The following CSMD1 variants were observed in gnomAD, a reference collection of about 807,000 sequenced individuals.
The protein encoded by CSMD1 is CUB and sushi domain-containing protein 1.
CSMD1 carries 213 observed loss-of-function variants against 417.5 expected under a neutral mutation model. That is an observed-to-expected ratio of 0.51 (90% CI 0.46 to 0.57). CSMD1 has a LOEUF of 0.57. CSMD1 is among the 20% of genes least tolerant of loss of function. CSMD1 has a pLI of 0.00. For missense variants in CSMD1, 6,923 were observed against 4,529.7 expected, an observed-to-expected ratio of 1.53 and a Z score of -15.17; for synonymous variants, 2,862 against 1,736.8, an observed-to-expected ratio of 1.65 and a Z score of -16.11.
chr8:4,185,227 C>G (rs1235373409), intron 3 of CSMD1, among the ~76,000 whole-genome samples: 1 of 151,266 alleles, frequency 6.6e-6, no homozygotes, highest in Non-Finnish European at 1.5e-5. Context: ...TGGGAACCTG[C>G]TTTCTTGCCT....
chr8:4,275,817 C>G (rs1436443574), intron 3 of CSMD1, among the ~76,000 whole-genome samples: 4 of 152,046 alleles, frequency 2.6e-5, no homozygotes, highest in African/African-American at 9.7e-5. Context: ...ATGATCTATA[C>G]TAATGAAAGT....
At chr8:4,334,935 A>G (rs932878615) in intron 3 of CSMD1, among the ~76,000 whole-genome samples, 13 of 152,194 alleles carry the variant, frequency 8.5e-5, no homozygotes, top group African/African-American at 3.1e-4. Flanking sequence ...CAGATGCTGT[A>G]TTTTTGCTAC....
chr8:4,978,327 T>G (rs1038966212), intron 1 of CSMD1, among the ~76,000 whole-genome samples: 1 of 152,124 alleles, frequency 6.6e-6, no homozygotes, highest in African/African-American at 2.4e-5. Context: ...CAGGACACTC[T>G]AATCTTGGAA....
chr8:4,974,627 T>C (rs1049479211), intron 1 of CSMD1, among the ~76,000 whole-genome samples: 3 of 152,158 alleles, frequency 2.0e-5, no homozygotes, highest in African/African-American at 7.2e-5. Context: ...ATTCTGTATA[T>C]AATAGCAGGA....
chr8:4,312,357 A>G lies in CSMD1; in HGVS notation c.415+107596T>C, dbSNP rs74211272. Among the ~76,000 whole-genome samples the G allele has an allele frequency of 8.1e-3, 1,108 of 136,726 alleles. 42 individuals carry two copies. The highest frequency in any genetic ancestry group is 0.011 in the Non-Finnish European group (649 of 60,670). The allele number at this position is 136,726 out of a possible 152,430, so 89.7% of individuals were successfully genotyped here. A position where few individuals can be genotyped will look rare whatever the true frequency, so the allele number is the denominator to read the frequency against. ...AGCAATTTAAACTCCAAAATAAGCT[A>G]ATTACTTTTAATGGAACAAATATAT... On this transcript the variant is annotated intron_variant, in intron 3 of 69. Coordinates refer to ENST00000635120, the MANE Select transcript of CSMD1 (RefSeq NM_033225.6).
intron 2 of CSMD1, among the ~76,000 whole-genome samples, chr8:4,593,331 G>A (rs2130738847): frequency 6.6e-6 from 1 of 152,238 alleles, no homozygotes; most frequent in Middle Eastern, 3.4e-3. Flanking sequence ...AAATACTTCT[G>A]CAGCATGGCT....
intron 5 of CSMD1, among the ~76,000 whole-genome samples, chr8:3,924,746 AT>A (rs1809520958): frequency 6.7e-6 from 1 of 148,586 alleles, no homozygotes; most frequent in African/African-American, 2.4e-5. Flanking sequence ...TGAACTACTC[AT>A]TTTGTTCATA....
intron 11 of CSMD1, among the ~76,000 whole-genome samples, chr8:3,479,444 C>A (rs193089686): frequency 6.6e-6 from 1 of 152,218 alleles, no homozygotes; most frequent in East Asian, 1.9e-4. Flanking sequence ...CCATGCCCAG[C>A]TAATTTTGTA....
At position 3,405,976 on chromosome 8, in the gene CSMD1, G is replaced by T. The variant is rs1163524683; in HGVS notation, c.2266+51C>A. 9 of 1,559,220 alleles carry T rather than the reference G, an allele frequency of 5.8e-6. No individual in the cohort carries two copies. In the South Asian group the frequency reaches 9.3e-5, roughly 16 times the overall value. On this transcript the variant is annotated intron_variant, in intron 15 of 69. Transcript: ENST00000635120. ...TTGTTGGTTTGTGTGTGTGCCTGAA[G>T]ATAGATGTGTGATTTCAAAGGAGAA...
intron 5 of CSMD1, among the ~76,000 whole-genome samples, chr8:3,786,274 G>C (rs918935779): frequency 2.0e-5 from 3 of 152,108 alleles, no homozygotes; most frequent in Non-Finnish European, 4.4e-5. Context: ...GGATACATGG[G>C]CATGGAGGTT....
intron 3 of CSMD1, among the ~76,000 whole-genome samples, chr8:4,342,112 C>G (rs1229246565): frequency 6.6e-6 from 1 of 152,120 alleles, no homozygotes; most frequent in Non-Finnish European, 1.5e-5. Context: ...CATGGTAACT[C>G]CACAATCTCT....
intron 2 of CSMD1, among the ~76,000 whole-genome samples, chr8:4,564,562 A>G (rs923621408): frequency 1.3e-5 from 2 of 152,214 alleles, no homozygotes; most frequent in African/African-American, 4.8e-5. Context: ...TTTTATAAGC[A>G]TAAATACTGA....
chr8:3,556,548 A>C (rs143528748), intron 10 of CSMD1, among the ~76,000 whole-genome samples: 2,145 of 55,756 alleles, frequency 0.038, 27 homozygotes, highest in East Asian at 0.064. Flanking sequence ...ACACACACAC[A>C]CACCCTCTCT....
At chr8:3,967,817 G>A (rs1421055623) in intron 5 of CSMD1, among the ~76,000 whole-genome samples, 2 of 151,908 alleles carry the variant, frequency 1.3e-5, no homozygotes, top group East Asian at 1.9e-4. Context: ...GAGAATATAC[G>A]CTTATAGATA....
intron 55 of CSMD1, among the ~76,000 whole-genome samples, chr8:2,975,803 A>C (rs1489656058): frequency 6.6e-6 from 1 of 152,340 alleles, no homozygotes; most frequent in Admixed American, 6.5e-5. Flanking sequence ...GGATTCCCAA[A>C]GTGACGACAA....
intron 2 of CSMD1, among the ~76,000 whole-genome samples, chr8:4,551,744 G>A (rs1563279292): frequency 6.6e-6 from 1 of 152,002 alleles, no homozygotes; most frequent in Non-Finnish European, 1.5e-5. Context: ...GAGTCCAGTG[G>A]TACAATCATA....
intron 2 of CSMD1, among the ~76,000 whole-genome samples, chr8:4,498,045 G>C (rs747521384): frequency 6.6e-6 from 1 of 152,114 alleles, no homozygotes; most frequent in African/African-American, 2.4e-5. Context: ...TCTGCTGGAA[G>C]TGTCCTCCAT....
intron 20 of CSMD1, among the ~76,000 whole-genome samples, chr8:3,365,038 A>G (rs1563314133): frequency 6.6e-6 from 1 of 152,198 alleles, no homozygotes; most frequent in Non-Finnish European, 1.5e-5. Context: ...GGAGAAGTCT[A>G]TTTAAATTCA....
At chr8:3,965,427 G>A (rs573243425) in intron 5 of CSMD1, among the ~76,000 whole-genome samples, 18 of 152,112 alleles carry the variant, frequency 1.2e-4, no homozygotes, top group Admixed American at 3.9e-4. Flanking sequence ...GATGGCCTTC[G>A]GAAAAAGGGT....
Sources: allele counts gnomAD v4.1 joint callset (sites outside exome capture counted in the v4.1 genomes callset), GRCh38; gene constraint gnomAD v4.1.1; transcripts MANE v1.5; gene names NCBI Gene and HGNC (gene_info 2026-07-23, HGNC 2026-07-21).